The following TECTA variants were observed in gnomAD, a reference collection of about 807,000 sequenced individuals.
The protein encoded by TECTA is tectorin alpha.
TECTA carries 128 observed loss-of-function variants against 216.8 expected under a neutral mutation model. The ratio of observed to expected loss-of-function variants is 0.59; its 90% CI spans 0.51 to 0.68. The LOEUF is 0.68. TECTA is among the 30% of genes least tolerant of loss of function. The pLI is 0.00. For synonymous variants in TECTA, 1,089 were observed against 1,117.1 expected, an observed-to-expected ratio of 0.97 and a Z score of 0.50; for missense variants, 2,551 against 2,786.2, an observed-to-expected ratio of 0.92 and a Z score of 1.90.
chr11:121,162,964 CTG>C (rs1387506870), intron 16 of TECTA, among the ~76,000 whole-genome samples: 1 of 152,150 alleles, frequency 6.6e-6, no homozygotes, highest in African/African-American at 2.4e-5. Context: ...CATTTTCTTA[CTG>C]TGTTAATCAA....
chr11:121,102,565 C>T lies in TECTA; in HGVS notation c.-1-100C>T, dbSNP rs79614045. The stretch of plus-strand genomic sequence containing the variant: ...GTTGTTATGTGAATTTGTTCTATGA[C>T]GGTTTTGATGGTCTTGGGATTAGCC... On this transcript the variant is annotated intron_variant, in intron 1 of 23. Transcript: ENST00000392793. 0.011 allele frequency: 10,041 copies of T among 880,136 alleles called. 135 individuals carry two copies. The highest frequency in any genetic ancestry group is 0.034 in the South Asian group (2,550 of 74,506). 54.5% of individuals were successfully genotyped at this position (880,136 alleles called of 1,614,324 possible).
intron 6 of TECTA, among the ~76,000 whole-genome samples, chr11:121,117,406 C>T (rs184972775): frequency 4.6e-5 from 7 of 152,240 alleles, no homozygotes; most frequent in African/African-American, 9.6e-5. Flanking sequence ...CCAGCCCAGA[C>T]GTGTTTCTAT....
At position 121,129,813 on chromosome 11, in the gene TECTA, T is replaced by C. The variant is rs879069686; in HGVS notation, c.2543T>C (p.Leu848Ser). The stretch of plus-strand genomic sequence containing the variant: ...ACATACTTCAATTGCACAGGGGGCT[T>C]GTGCGGCTTCTACAATGCCAACGCC... ...STTYFNCTGG[L>S]CGFYNANASD... The change falls in exon 10 of 24, where the codon TTG becomes TCG. Residue 848 changes from leucine to serine, a missense_variant. By Grantham distance (145) the Leu-to-Ser change is moderately radical. Transcript: ENST00000392793. 6.2e-7 allele frequency: 1 copy of C among 1,614,204 alleles called. No individual in the cohort carries two copies. The highest frequency in any genetic ancestry group is 1.3e-5 in the African/African-American group (1 of 75,060).
intron 16 of TECTA, among the ~76,000 whole-genome samples, chr11:121,164,705 G>C (rs1002185814): frequency 2.0e-5 from 3 of 152,104 alleles, no homozygotes; most frequent in Admixed American, 2.0e-4. Flanking sequence ...TCAAGTAGAA[G>C]ATCATGGGGG....
At position 121,113,161 on chromosome 11, in the gene TECTA, G is replaced by C; in HGVS notation, c.576G>C (p.Thr192=). The C allele has an allele frequency of 6.2e-7, 1 of 1,613,794 alleles. No individual in the cohort carries two copies. The highest frequency in any genetic ancestry group is 8.5e-7 in the Non-Finnish European group (1 of 1,179,964). The change falls in exon 5 of 24, where the codon ACG becomes ACC. Residue 192 remains threonine (T), a synonymous_variant. Coordinates refer to ENST00000392793, the MANE Select transcript of TECTA (RefSeq NM_005422.4). This position sits in a 1 kb window ranked among gnomAD's most constrained non-coding sequence, Gnocchi z 4.2. ...NYYEINWTTG[T]ASGGDPLTGL... ...ACGAAATCAACTGGACCACGGGGAC[G>C]GCGAGTGGCGGCGACCCCCTGACAG...
rs751682224 is a variant in TECTA, at chr11:121,118,296, T to C, written c.791-10T>C. On this transcript the variant is annotated splice_polypyrimidine_tract_variant and intron_variant, in intron 6 of 23. Coordinates refer to ENST00000392793, the MANE Select transcript of TECTA (RefSeq NM_005422.4). ...CAGTAAATGTTGGCTCTAATGTCAT[T>C]ATTCCCCAGGACAATTCCTTCGGCG... The C allele has an allele frequency of 6.2e-7, 1 of 1,614,086 alleles. No individual in the cohort carries two copies. Among genetic ancestry groups the C allele is most frequent in the Non-Finnish European group, 8.5e-7 (1 of 1,180,028 alleles).
At position 121,137,516 on chromosome 11, in the gene TECTA, T is replaced by A. The variant is rs1158710437; in HGVS notation, c.3037T>A (p.Cys1013Ser). 6.2e-7 allele frequency: 1 copy of A among 1,613,948 alleles called. No homozygotes were observed. Among genetic ancestry groups the A allele is most frequent in the Non-Finnish European group, 8.5e-7 (1 of 1,179,958 alleles). The change falls in exon 11 of 24, where the codon TGC becomes AGC. Residue 1013 changes from cysteine to serine, a missense_variant. This residue lies in a region of TECTA where 2,375 missense variants were observed against 2,563.9 expected (regional missense o/e 0.93). Transcript: ENST00000392793. ...CCTGGGCCCCATCTGCGTGGATAGC[T>A]GCTCTGAGGGATGTCAGTGTGATGA... is the stretch of plus-strand genomic sequence containing the variant. Reference protein sequence around the residue: ...LTLGPICVDSCSEGCQCDEGY... With the variant: ...LTLGPICVDSSSEGCQCDEGY...
rs1167508911 is a variant in TECTA at position 121,168,794 on chromosome 11, AGATGTGCTGTATGTAGG to A, written c.5870_5886del (p.Asp1957GlyfsTer7). On this transcript the variant is annotated frameshift_variant, in exon 20 of 24. Coordinates refer to ENST00000392793, the MANE Select transcript of TECTA (RefSeq NM_005422.4). LOFTEE classifies it high-confidence loss of function. Reference sequence around the variant, plus strand: ...AGGGTGAAGTAGTGTTGACGACTCGAGATGTGCTGTATGTAGGGGTTTTTGTGGTTGGAGCTGACGCC... The same window carrying A: ...AGGGTGAAGTAGTGTTGACGACTCGAGGTTTTTGTGGTTGGAGCTGACGCC... The A allele has an allele frequency of 6.2e-7, 1 of 1,614,148 alleles. No individual in the cohort carries two copies.
In TECTA at chr11:121,153,078, G is replaced by T; in HGVS notation, c.4303G>T (p.Glu1435Ter). The T allele has an allele frequency of 6.2e-7, 1 of 1,612,866 alleles. No individual in the cohort carries two copies. The change falls in exon 13 of 24, where the codon GAG (glutamate) becomes TAG (stop). Residue 1435 changes from glutamate (E) to a stop codon, truncating the protein, a stop_gained and splice_region_variant. Coordinates refer to ENST00000392793, the MANE Select transcript of TECTA (RefSeq NM_005422.4). LOFTEE classifies it high-confidence loss of function. ...CGCYSDGKYY[E>*]PKQLFWNSDC... ...CTGCTACTCCGATGGCAAATATTACGAGGTATGGGAGGCCAGCCCGGCCTT... is the reference window on the plus strand; with the variant it reads ...CTGCTACTCCGATGGCAAATATTACTAGGTATGGGAGGCCAGCCCGGCCTT...
intron 15 of TECTA, among the ~76,000 whole-genome samples, chr11:121,161,541 CCT>C (rs1491468989): frequency 1.7e-3 from 8 of 4,672 alleles, no homozygotes; most frequent in East Asian, 0.013. Flanking sequence ...TTCCCTCCCT[CCT>C]TCCCTTCCCT....
chr11:121,174,036 A>G (rs955121863), intron 20 of TECTA, among the ~76,000 whole-genome samples: 17 of 152,214 alleles, frequency 1.1e-4, no homozygotes, highest in Admixed American at 9.2e-4. Context: ...TTGTACATTG[A>G]TTTTGTATCC....
intron 20 of TECTA, among the ~76,000 whole-genome samples, chr11:121,172,606 G>A (rs988093937): frequency 2.4e-4 from 37 of 151,942 alleles, no homozygotes; most frequent in Non-Finnish European, 8.8e-5. Context: ...CATTTGGGTT[G>A]GTTCCAAGTC....
chr11:121,145,422 T>C, intron 11 of TECTA, 133 bp from the exon 12 acceptor site: 1 of 862,460 alleles, frequency 1.2e-6, no homozygotes. Context: ...TAAACAACAG[T>C]ACATGCAAAG....
chr11:121,189,789 A>T lies in TECTA; in HGVS notation c.6276A>T (p.Gly2092=). 2 of 1,613,960 alleles carry T rather than the reference A, an allele frequency of 1.2e-6. No homozygotes were observed. Among genetic ancestry groups the T allele is most frequent in the South Asian group, 1.1e-5 (1 of 91,074 alleles). The part of the protein sequence containing the change: ...RKRLDWCEDN[G]GCEQICTSRV... ...GGCTGGACTGGTGTGAGGACAATGGAGGGTGTGAGCAGATTTGCACGAGCC... is the reference window on the plus strand; with the variant it reads ...GGCTGGACTGGTGTGAGGACAATGGTGGGTGTGAGCAGATTTGCACGAGCC... Residue 2092 remains glycine (G), a synonymous_variant, in exon 23 of 24, where the codon GGA becomes GGT. Coordinates refer to ENST00000392793, the MANE Select transcript of TECTA (RefSeq NM_005422.4).
At chr11:121,168,245 T>G in intron 19 of TECTA, 28 bp downstream of exon 19, 2 of 1,614,008 alleles carry the variant, frequency 1.2e-6, no homozygotes, top group Non-Finnish European at 1.7e-6. Flanking sequence ...CTGTGCACAT[T>G]GCTTTTTCTA....
intron 12 of TECTA, among the ~76,000 whole-genome samples, chr11:121,149,748 A>G (rs1946872041): frequency 6.6e-6 from 1 of 152,218 alleles, no homozygotes; most frequent in Non-Finnish European, 1.5e-5. Flanking sequence ...GATGCTGGGT[A>G]TGGCAAGAGA....
At chr11:121,116,611 T>G (rs1946504408) in intron 6 of TECTA, among the ~76,000 whole-genome samples, 1 of 152,252 alleles carries the variant, frequency 6.6e-6, no homozygotes, top group Non-Finnish European at 1.5e-5. Context: ...CTATGCATTT[T>G]TATGTGCCTC....
At chr11:121,165,484 T>G in intron 17 of TECTA, 101 bp downstream of exon 17, 1 of 943,128 alleles carries the variant, frequency 1.1e-6, no homozygotes. Flanking sequence ...CTTTCCCAAA[T>G]AGTGAAGCTT....
intron 13 of TECTA, among the ~76,000 whole-genome samples, chr11:121,153,872 C>G: frequency 6.6e-6 from 1 of 152,206 alleles, no homozygotes; most frequent in East Asian, 1.9e-4. Flanking sequence ...CGACCTCAAG[C>G]CCATTCTCTG....
Sources: gnomAD v4.1 joint callset for allele counts (sites outside exome capture counted in the v4.1 genomes callset) on GRCh38, gnomAD v4.1.1 for gene constraint, gnomAD v4.1.1 regional missense constraint, Gnocchi (gnomAD v3.1) non-coding constraint, MANE v1.5 for transcripts, NCBI Gene and HGNC (gene_info 2026-07-23, HGNC 2026-07-21) for gene names.